Variants in TTC29 observed in about 807,000 individuals in gnomAD.
TTC29 encodes the protein tetratricopeptide repeat protein 29.
A neutral mutation model predicts 58.1 loss-of-function variants in TTC29; 49 were observed. The ratio of observed to expected loss-of-function variants is 0.84; its 90% CI spans 0.67 to 1.07. TTC29 has a LOEUF of 1.07. Ranked by LOEUF, TTC29 falls within the 50% of genes least tolerant of loss-of-function variation. TTC29 has a pLI of 0.00. For synonymous variants in TTC29, 209 were observed against 196.8 expected, an observed-to-expected ratio of 1.06 and a Z score of -0.52; for missense variants, 582 against 555.6, an observed-to-expected ratio of 1.05 and a Z score of -0.48.
In TTC29 at chr4:146,728,845, A is replaced by ATG. The variant is rs1343591135; in HGVS notation, c.1331-21296_1331-21295dup. Among the ~76,000 whole-genome samples the ATG allele has an allele frequency of 9.9e-3, 802 of 80,966 alleles. 92 individuals carry two copies. The highest frequency in any genetic ancestry group is 0.026 in the South Asian group (43 of 1,658). The allele number at this position is 80,966 out of a possible 152,430, so 53.1% of individuals were successfully genotyped here. A position where few individuals can be genotyped will look rare whatever the true frequency, so the allele number is the denominator to read the frequency against. ...TATATACATATATATACACATATAT[A>ATG]TGTATATATATACACATATATATGT... On this transcript the variant is annotated intron_variant, in intron 11 of 12. Transcript: ENST00000325106.
chr4:146,795,003 A>T, intron 11 of TTC29, among the ~76,000 whole-genome samples: 1 of 152,144 alleles, frequency 6.6e-6, no homozygotes, highest in East Asian at 1.9e-4. Context: ...ACTTAAGTGA[A>T]CTAACTTTAG....
chr4:146,824,169 T>C (rs1288070777), intron 9 of TTC29, among the ~76,000 whole-genome samples: 2 of 152,218 alleles, frequency 1.3e-5, no homozygotes, highest in African/African-American at 2.4e-5. Flanking sequence ...AAGGTATCCT[T>C]GTCTTGTGCC....
chr4:146,752,916 G>T (rs987179933), intron 11 of TTC29, among the ~76,000 whole-genome samples: 7 of 152,170 alleles, frequency 4.6e-5, no homozygotes, highest in African/African-American at 1.7e-4. Context: ...ATGGATTAAA[G>T]ACTTACATGT....
chr4:146,727,086 A>G (rs2150013023), intron 11 of TTC29, among the ~76,000 whole-genome samples: 1 of 151,006 alleles, frequency 6.6e-6, no homozygotes, highest in East Asian at 1.9e-4. Context: ...TATTTATATA[A>G]AATATATAAT....
intron 8 of TTC29, among the ~76,000 whole-genome samples, chr4:146,866,203 T>C (rs1730551925): frequency 6.6e-6 from 1 of 152,202 alleles, no homozygotes; most frequent in East Asian, 1.9e-4. Context: ...ATTTTGTGCT[T>C]GCATTACTTG....
chr4:146,724,524 C>CT (rs112548226), intron 11 of TTC29, among the ~76,000 whole-genome samples: 24 of 149,326 alleles, frequency 1.6e-4, no homozygotes, highest in Admixed American at 6.0e-4. Context: ...TGTTCAACTT[C>CT]TTTTTTTTTT....
intron 4 of TTC29, among the ~76,000 whole-genome samples, chr4:146,925,408 C>G (rs1734864052): frequency 6.6e-6 from 1 of 151,972 alleles, no homozygotes; most frequent in Non-Finnish European, 1.5e-5. Flanking sequence ...AGGCTTATGT[C>G]CTCTTGATGA....
chr4:146,812,147 A>C (rs1360218889), intron 10 of TTC29, among the ~76,000 whole-genome samples: 1 of 152,202 alleles, frequency 6.6e-6, no homozygotes, highest in Non-Finnish European at 1.5e-5. Context: ...AATAAATGTC[A>C]CTAAAATTAT....
chr4:146,936,955 T>C (rs1735880424), intron 4 of TTC29, among the ~76,000 whole-genome samples: 1 of 152,070 alleles, frequency 6.6e-6, no homozygotes, highest in South Asian at 2.1e-4. Context: ...AGCCACTAAG[T>C]ATAGGTAAGA....
At chr4:146,740,336 G>A (rs1452352500) in intron 11 of TTC29, among the ~76,000 whole-genome samples, 2 of 152,088 alleles carry the variant, frequency 1.3e-5, no homozygotes, top group South Asian at 2.1e-4. Flanking sequence ...GTAGCTCAAG[G>A]GTAACAAAGA....
intron 11 of TTC29, among the ~76,000 whole-genome samples, chr4:146,740,393 G>C (rs1287550524): frequency 6.6e-6 from 1 of 152,158 alleles, no homozygotes; most frequent in Non-Finnish European, 1.5e-5. Context: ...ATGGAAAATA[G>C]ATAACAGGGA....
chr4:146,739,711 A>G (rs1265609351), intron 11 of TTC29, among the ~76,000 whole-genome samples: 1 of 152,154 alleles, frequency 6.6e-6, no homozygotes, highest in Admixed American at 6.5e-5. Context: ...TTTTATATTC[A>G]TATATTCATA....
intron 11 of TTC29, among the ~76,000 whole-genome samples, chr4:146,729,619 G>T (rs1744180096): frequency 6.6e-6 from 1 of 152,014 alleles, no homozygotes; most frequent in African/African-American, 2.4e-5. Flanking sequence ...TTTTCCTACT[G>T]CTATAAAGAA....
intron 4 of TTC29, among the ~76,000 whole-genome samples, chr4:146,922,579 C>T (rs539627285): frequency 7.9e-5 from 12 of 151,646 alleles, no homozygotes; most frequent in Non-Finnish European, 1.5e-4. Flanking sequence ...CCTATTTAAA[C>T]CTGACAACAT....
intron 11 of TTC29, among the ~76,000 whole-genome samples, chr4:146,747,703 C>G (rs1745652311): frequency 1.3e-5 from 2 of 152,212 alleles, no homozygotes; most frequent in Admixed American, 1.3e-4. Context: ...CATCTCCCAG[C>G]ACAACATCTG....
chr4:146,746,631 T>A (rs910707144), intron 11 of TTC29, among the ~76,000 whole-genome samples: 4 of 152,218 alleles, frequency 2.6e-5, no homozygotes, highest in Non-Finnish European at 5.9e-5. Context: ...TTATTGTGTG[T>A]GTGAGGAATT....
chr4:146,779,117 G>A (rs1362479532), intron 11 of TTC29, among the ~76,000 whole-genome samples: 1 of 151,688 alleles, frequency 6.6e-6, no homozygotes, highest in African/African-American at 2.4e-5. Flanking sequence ...AATGTAGCCT[G>A]CTTAGAATTC....
chr4:146,728,359 G>C (rs71616506), intron 11 of TTC29, among the ~76,000 whole-genome samples: 1 of 151,300 alleles, frequency 6.6e-6, no homozygotes, highest in African/African-American at 2.4e-5. Flanking sequence ...GTGTTCTGTT[G>C]AACATCTAAG....
At position 146,909,021 on chromosome 4, in the gene TTC29, C is replaced by T. The variant is rs771194369; in HGVS notation, c.400+5G>A. ...CTGTGCTCTGCCCACAGTCCCACCA[C>T]TTACCTTTCCTCTCAGCGTCCTCAG... On this transcript the variant is annotated splice_donor_5th_base_variant and intron_variant, in intron 5 of 12. Transcript: ENST00000325106. 4 of 1,612,828 alleles carry T rather than the reference C, an allele frequency of 2.5e-6. No homozygotes were observed. The highest frequency in any genetic ancestry group is 3.3e-5 in the Admixed American group (2 of 59,986).
Sources: gnomAD v4.1 joint callset for allele counts (sites outside exome capture counted in the v4.1 genomes callset) on GRCh38, gnomAD v4.1.1 for gene constraint, MANE v1.5 for transcripts, NCBI Gene and HGNC (gene_info 2026-07-23, HGNC 2026-07-21) for gene names.